LRFN5: variants seen among roughly 807,000 people sequenced by gnomAD.
LRFN5 encodes the protein leucine-rich repeat and fibronectin type-III domain-containing protein 5.
Under a neutral mutation model 45.6 loss-of-function variants are expected in LRFN5, and 24 were observed. That is an observed-to-expected ratio of 0.53 (90% CI 0.38 to 0.74). LRFN5 has a LOEUF of 0.74. LRFN5 is among the 30% of genes least tolerant of loss of function. The pLI, the probability that LRFN5 is intolerant of heterozygous loss-of-function variation, is 0.00. For synonymous variants in LRFN5, 340 were observed against 313.8 expected (o/e 1.08, Z -0.88); for missense variants, 776 against 861.5 (o/e 0.90, Z 1.24).
intron 1 of LRFN5, among the ~76,000 whole-genome samples, chr14:41,753,241 C>T (rs1271474669): frequency 4.0e-5 from 6 of 150,952 alleles, no homozygotes; most frequent in South Asian, 2.1e-4. Context: ...ATTGACTTGG[C>T]GATGCGGGCT....
chr14:41,624,517 G>T (rs1888256319), intron 1 of LRFN5, among the ~76,000 whole-genome samples: 2 of 152,244 alleles, frequency 1.3e-5, no homozygotes, highest in South Asian at 4.1e-4. Flanking sequence ...TTTAGGTAGA[G>T]CAGATTTATT....
intron 1 of LRFN5, among the ~76,000 whole-genome samples, chr14:41,641,345 C>T (rs1451667346): frequency 6.6e-6 from 1 of 152,122 alleles, no homozygotes; most frequent in East Asian, 1.9e-4. Flanking sequence ...GAAGTGAATT[C>T]ATCTTTCTCT....
At position 41,887,258 on chromosome 14, in the gene LRFN5, A is replaced by T. The variant is rs533094368; in HGVS notation, c.633A>T (p.Pro211=). ...DVTSNKLQKL[P]PDPLFQRAQV... is the part of the protein sequence containing the mutation. ...CATCAAATAAATTGCAGAAGCTACC[A>T]CCTGACCCTCTCTTTCAGCGAGCTC... is the stretch of plus-strand genomic sequence containing the variant. Residue 211 remains proline (P), a synonymous_variant, in exon 3 of 6, where the codon CCA becomes CCT. Coordinates refer to ENST00000298119, the MANE Select transcript of LRFN5 (RefSeq NM_152447.5). The surrounding 1 kb of genome is among the most constrained non-coding windows in gnomAD (Gnocchi z 4.8). 142 of 1,614,220 alleles carry T rather than the reference A, an allele frequency of 8.8e-5. 3 individuals carry two copies. The South Asian group carries it at 1.5e-3, about 17-fold the overall frequency.
At chr14:41,856,885 C>G (rs888691758) in intron 2 of LRFN5, among the ~76,000 whole-genome samples, 2 of 148,914 alleles carry the variant, frequency 1.3e-5, no homozygotes, top group African/African-American at 4.9e-5. Flanking sequence ...ACCGTGGTCT[C>G]GATCTCCTGA....
At chr14:41,877,648 G>A (rs560030102) in intron 2 of LRFN5, among the ~76,000 whole-genome samples, 52 of 151,492 alleles carry the variant, frequency 3.4e-4, no homozygotes, top group African/African-American at 1.2e-3. Flanking sequence ...ATATACACAC[G>A]CACATGTTGA....
At chr14:41,759,161 A>G (rs1164409768) in intron 1 of LRFN5, among the ~76,000 whole-genome samples, 1 of 152,060 alleles carries the variant, frequency 6.6e-6, no homozygotes, top group African/African-American at 2.4e-5. Flanking sequence ...TGTCATTGTA[A>G]TGTGTTTTTA....
chr14:41,712,418 A>G (rs987020483), intron 1 of LRFN5, among the ~76,000 whole-genome samples: 1 of 152,170 alleles, frequency 6.6e-6, no homozygotes, highest in Non-Finnish European at 1.5e-5. Context: ...TATGACAAAG[A>G]AAAAATAAAA....
intron 3 of LRFN5, among the ~76,000 whole-genome samples, chr14:41,888,751 C>T (rs1256400717): frequency 6.6e-6 from 1 of 151,854 alleles, no homozygotes; most frequent in Non-Finnish European, 1.5e-5. Flanking sequence ...TATGTAATAT[C>T]CAAGTAAGGA....
chr14:41,832,719 C>T, intron 2 of LRFN5, among the ~76,000 whole-genome samples: 1 of 152,164 alleles, frequency 6.6e-6, no homozygotes. Flanking sequence ...TACTGTAAAG[C>T]ATTGCCCCAG....
intron 2 of LRFN5, among the ~76,000 whole-genome samples, chr14:41,784,635 G>C (rs1886652591): frequency 6.6e-6 from 1 of 150,782 alleles, no homozygotes; most frequent in African/African-American, 2.4e-5. Flanking sequence ...GTGTGTTTGT[G>C]TGTGTGTGTG....
rs149089564 is a variant in LRFN5 at position 41,728,889 on chromosome 14, T to G, written c.-196-37965T>G. Among the ~76,000 whole-genome samples the G allele has an allele frequency of 2.4e-3, 362 of 152,300 alleles. 3 individuals carry two copies. The highest frequency in any genetic ancestry group is 0.019 in the South Asian group (94 of 4,826). On this transcript the variant is annotated intron_variant, in intron 1 of 5. Transcript: ENST00000298119. ...CAAGCATGTTGTTTTTTGTGAGTCC[T>G]TTTAGAAATGAATTCACTAACCAAC...
intron 2 of LRFN5, among the ~76,000 whole-genome samples, chr14:41,781,588 GAAAGAAAGAA>G (rs1224375014): frequency 1.1e-5 from 1 of 90,174 alleles, no homozygotes; most frequent in Non-Finnish European, 2.2e-5. Context: ...AAGAAAGAAA[GAAAGAAAGAA>G]AGAAAGAAAG....
intron 1 of LRFN5, among the ~76,000 whole-genome samples, chr14:41,613,494 AT>A (rs201505454): frequency 4.6e-5 from 7 of 151,094 alleles, no homozygotes; most frequent in East Asian, 1.9e-4. Flanking sequence ...CTGTTCTTGC[AT>A]TTTTTTTTGT....
intron 2 of LRFN5, among the ~76,000 whole-genome samples, chr14:41,856,454 G>T (rs1889455011): frequency 6.6e-6 from 1 of 151,870 alleles, no homozygotes; most frequent in Admixed American, 6.6e-5. Context: ...ATAGTGCATG[G>T]CCGTTTCCGT....
chr14:41,820,021 C>G (rs914802506), intron 2 of LRFN5, among the ~76,000 whole-genome samples: 1 of 150,762 alleles, frequency 6.6e-6, no homozygotes, highest in Non-Finnish European at 1.5e-5. Flanking sequence ...GAAATTAGTC[C>G]TTTGTTGAAT....
intron 2 of LRFN5, among the ~76,000 whole-genome samples, chr14:41,777,934 T>C (rs568877343): frequency 2.0e-5 from 3 of 149,540 alleles, no homozygotes; most frequent in Non-Finnish European, 4.5e-5. Context: ...GTCTTTAAGA[T>C]GGTAATTCTT....
chr14:41,660,847 A>G (rs1337937787), intron 1 of LRFN5, among the ~76,000 whole-genome samples: 5 of 150,794 alleles, frequency 3.3e-5, no homozygotes, highest in South Asian at 2.1e-4. Context: ...ATAATTTTCT[A>G]TGAACTATTT....
At chr14:41,895,746 T>C (rs1435853383) in intron 4 of LRFN5, among the ~76,000 whole-genome samples, 2 of 150,796 alleles carry the variant, frequency 1.3e-5, no homozygotes, top group African/African-American at 2.4e-5. Flanking sequence ...TCAGTGGGGG[T>C]CTCTGTAAGC....
At chr14:41,617,230 G>A (rs1197517875) in intron 1 of LRFN5, among the ~76,000 whole-genome samples, 2 of 152,010 alleles carry the variant, frequency 1.3e-5, no homozygotes, top group Admixed American at 6.6e-5. Context: ...TGAGAAGGTG[G>A]TCTTTTCCTG....
Sources: gnomAD v4.1 joint callset for allele counts (sites outside exome capture counted in the v4.1 genomes callset) on GRCh38, gnomAD v4.1.1 for gene constraint, Gnocchi (gnomAD v3.1) non-coding constraint, MANE v1.5 for transcripts, NCBI Gene and HGNC (gene_info 2026-07-23, HGNC 2026-07-21) for gene names.